Variants in GPHN observed in about 807,000 individuals in gnomAD.
GPHN encodes the protein gephyrin.
GPHN carries 17 observed loss-of-function variants against 95.5 expected under a neutral mutation model. That is an observed-to-expected ratio of 0.18 (90% confidence interval 0.12 to 0.27). The LOEUF (loss-of-function observed/expected upper bound fraction) is 0.27, where lower values mean the gene tolerates loss of function less well. Ranked by LOEUF, GPHN falls within the 10% of genes least tolerant of loss-of-function variation. GPHN has a pLI of 1.00. For synonymous variants in GPHN, 320 were observed against 322.5 expected (o/e 0.99, Z 0.08); for missense variants, 660 against 978.1 (o/e 0.67, Z 4.34).
At chr14:67,374,584 G>A in the GPHN span, 280 of 1,355,066 alleles carry the variant, frequency 2.1e-4, 1 homozygote, top group Admixed American at 6.7e-4. Context: ...TCCACTATCT[G>A]TGTGTTTAAT....
intron 8 of GPHN, among the ~76,000 whole-genome samples, chr14:66,944,251 A>G (rs1283436324): frequency 1.3e-5 from 2 of 152,234 alleles, no homozygotes; most frequent in South Asian, 4.1e-4. Flanking sequence ...AGGAAAATCC[A>G]AGGCGGTTCA....
chr14:66,587,917 C>G (rs1389687196), intron 1 of GPHN, among the ~76,000 whole-genome samples: 2 of 152,180 alleles, frequency 1.3e-5, no homozygotes, highest in Middle Eastern at 3.2e-3. Flanking sequence ...TCAAGTGGGT[C>G]CCTGACCCTC....
At chr14:66,974,179 T>G (rs762081932) in intron 9 of GPHN, among the ~76,000 whole-genome samples, 25 of 152,192 alleles carry the variant, frequency 1.6e-4, no homozygotes, top group Non-Finnish European at 3.1e-4. Context: ...TTTACACCCT[T>G]TTCTAATGAG....
At chr14:66,880,207 A>T (rs922542839) in intron 5 of GPHN, among the ~76,000 whole-genome samples, 174 bp downstream of exon 5, 1 of 152,126 alleles carries the variant, frequency 6.6e-6, no homozygotes, top group Non-Finnish European at 1.5e-5. Flanking sequence ...GTTAAAAAAA[A>T]AAGTTAATTC....
At chr14:66,515,968 CA>C (rs2058223462) in intron 1 of GPHN, among the ~76,000 whole-genome samples, 2 of 151,970 alleles carry the variant, frequency 1.3e-5, no homozygotes, top group Admixed American at 1.3e-4. Context: ...ATAACAAGTA[CA>C]AGCACCAAAA....
At chr14:67,590,082 A>G in the GPHN span, 7 of 1,550,030 alleles carry the variant, frequency 4.5e-6, no homozygotes, top group Middle Eastern at 1.9e-4. Context: ...GCTGGGGCTC[A>G]TGGGCTTGTT....
At chr14:67,441,631 T>C in the GPHN span, among the ~76,000 whole-genome samples, 1 of 151,656 alleles carries the variant, frequency 6.6e-6, no homozygotes, top group East Asian at 1.9e-4. Flanking sequence ...CTGGCTGGGA[T>C]TACTATTTGA....
chr14:66,624,120 T>G (rs1020627803), intron 1 of GPHN, among the ~76,000 whole-genome samples: 6 of 152,194 alleles, frequency 3.9e-5, no homozygotes, highest in African/African-American at 9.7e-5. Context: ...TTGTGGCCAT[T>G]GTAAGCTGTC....
chr14:67,126,130 T>TTA (rs920600000), intron 17 of GPHN, among the ~76,000 whole-genome samples: 16 of 152,218 alleles, frequency 1.1e-4, no homozygotes, highest in East Asian at 5.8e-4. Flanking sequence ...TTTGTAAACA[T>TTA]TATATATATA....
chr14:66,862,290 A>G (rs1162910341), intron 4 of GPHN, among the ~76,000 whole-genome samples: 1 of 152,032 alleles, frequency 6.6e-6, no homozygotes. Context: ...CTTAACCACA[A>G]AGAAATCCAA....
In GPHN at chr14:66,519,896, G is replaced by A. The variant is rs542694073; in HGVS notation, c.64+11305G>A. On this transcript the variant is annotated intron_variant, in intron 1 of 22. Coordinates refer to ENST00000478722, the MANE Select transcript of GPHN (RefSeq NM_020806.5). ...CCATTTTACAGCTGAAGAAATTGTA[G>A]CAGAGAGAGATTAAGTAACTTGCTC... Among the ~76,000 whole-genome samples the A allele has an allele frequency of 1.1e-4, 17 of 152,150 alleles. No individual in the cohort carries two copies. In the South Asian group the frequency reaches 1.7e-3, roughly 15 times the overall value.
chr14:67,653,412 A>C, the GPHN span: 1 of 1,609,738 alleles, frequency 6.2e-7, no homozygotes, highest in Admixed American at 1.7e-5. Context: ...GTTAAGAGAA[A>C]TTTCATGACT....
intron 9 of GPHN, among the ~76,000 whole-genome samples, chr14:67,018,506 A>C (rs187169461): frequency 3.3e-5 from 5 of 152,310 alleles, no homozygotes; most frequent in Non-Finnish European, 5.9e-5. Flanking sequence ...GGCAGTTTCT[A>C]GAGGAGCTGG....
At chr14:66,615,184 G>A (rs1365376549) in intron 1 of GPHN, among the ~76,000 whole-genome samples, 1 of 152,154 alleles carries the variant, frequency 6.6e-6, no homozygotes, top group African/African-American at 2.4e-5. Flanking sequence ...CTGTGCATGT[G>A]TCTTTATAGT....
chr14:66,741,103 C>T (rs570322370), intron 2 of GPHN, among the ~76,000 whole-genome samples: 2 of 152,276 alleles, frequency 1.3e-5, no homozygotes, highest in African/African-American at 2.4e-5. Flanking sequence ...GTGGAGTCCT[C>T]ATGTCCTAAA....
intron 4 of GPHN, among the ~76,000 whole-genome samples, chr14:66,846,977 A>G (rs1404649760): frequency 6.6e-6 from 1 of 152,114 alleles, no homozygotes; most frequent in East Asian, 1.9e-4. Flanking sequence ...AGTCATATTC[A>G]TTAGTTTTTC....
chr14:66,579,536 C>T (rs1041516353), intron 1 of GPHN, among the ~76,000 whole-genome samples: 15 of 150,790 alleles, frequency 9.9e-5, no homozygotes, highest in African/African-American at 2.2e-4. Context: ...AAAATGGAAA[C>T]GAAAAGAGAG....
intron 1 of GPHN, among the ~76,000 whole-genome samples, chr14:66,536,301 C>T (rs2140006874): frequency 6.6e-6 from 1 of 152,136 alleles, no homozygotes; most frequent in East Asian, 1.9e-4. Flanking sequence ...AAATTTTTTG[C>T]TTTTGTTGAG....
intron 2 of GPHN, among the ~76,000 whole-genome samples, chr14:66,685,534 C>T (rs969186662): frequency 9.2e-5 from 14 of 152,292 alleles, no homozygotes; most frequent in South Asian, 4.1e-4. Context: ...TATCTATTTG[C>T]TGCATAAATG....
Sources: gnomAD v4.1 joint callset for allele counts (sites outside exome capture counted in the v4.1 genomes callset) on GRCh38, gnomAD v4.1.1 for gene constraint, MANE v1.5 for transcripts, NCBI Gene and HGNC (gene_info 2026-07-23, HGNC 2026-07-21) for gene names.